FBLN5: variants seen among roughly 807,000 people sequenced by gnomAD.
FBLN5 encodes the protein fibulin-5.
In FBLN5, 24 loss-of-function variants were observed where a neutral mutation model predicts 61.6. The observed-to-expected ratio is 0.39, with a 90% CI of 0.28 to 0.55. FBLN5 has a LOEUF of 0.55. Ranked by LOEUF, FBLN5 falls within the 20% of genes least tolerant of loss-of-function variation. FBLN5 has a pLI of 0.65. For missense variants in FBLN5, 470 were observed against 594.1 expected (o/e 0.79, Z 2.17); for synonymous variants, 213 against 219.8 (o/e 0.97, Z 0.27).
intron 4 of FBLN5, among the ~76,000 whole-genome samples, chr14:91,906,130 G>C (rs968989925): frequency 2.0e-5 from 3 of 151,988 alleles, no homozygotes; most frequent in African/African-American, 7.3e-5. Flanking sequence ...CAGGTGATCT[G>C]CCTGCCTCAG....
chr14:91,885,287 A>G (rs961462802), intron 7 of FBLN5, among the ~76,000 whole-genome samples: 5 of 152,246 alleles, frequency 3.3e-5, no homozygotes, highest in African/African-American at 9.6e-5. Context: ...GAGTCAACTG[A>G]AAATCTTGGC....
chr14:91,885,498 C>G (rs937203568), intron 7 of FBLN5, among the ~76,000 whole-genome samples: 1 of 152,166 alleles, frequency 6.6e-6, no homozygotes, highest in Non-Finnish European at 1.5e-5. Flanking sequence ...CTCCCTGGGA[C>G]ATGGGAAGCA....
At position 91,883,068 on chromosome 14, in the gene FBLN5, C is replaced by T; in HGVS notation, c.748G>A (p.Glu250Lys). ...EDGVHCSDMD[E>K]CSFSEFLCQH... ...CAGAGGAACTCAGAGAAGCTGCACT[C>T]GTCCATATCTGGGGTGACAAGTCAC... Residue 250 changes from glutamate to lysine, a missense_variant, in exon 8 of 11, where the codon GAG becomes AAG. Glu to Lys is a moderately conservative substitution (Grantham distance 56). Coordinates refer to ENST00000342058, the MANE Select transcript of FBLN5 (RefSeq NM_006329.4). 1.2e-6 allele frequency: 2 copies of T among 1,613,890 alleles called. No homozygotes were observed. The highest frequency in any genetic ancestry group is 1.7e-6 in the Non-Finnish European group (2 of 1,179,854).
chr14:91,925,181 C>T (rs901230406), intron 4 of FBLN5, among the ~76,000 whole-genome samples: 1 of 152,214 alleles, frequency 6.6e-6, no homozygotes, highest in African/African-American at 2.4e-5. Context: ...GAAAGTCAGA[C>T]AGCATTGACA....
chr14:91,924,914 ACC>A (rs2055802481), intron 4 of FBLN5, among the ~76,000 whole-genome samples: 1 of 151,918 alleles, frequency 6.6e-6, no homozygotes, highest in African/African-American at 2.4e-5. Flanking sequence ...AAAACAGATG[ACC>A]CATCTTTTTC....
chr14:91,938,688 G>A (rs771177107), intron 3 of FBLN5, among the ~76,000 whole-genome samples: 28 of 152,230 alleles, frequency 1.8e-4, no homozygotes, highest in Middle Eastern at 3.4e-3. Flanking sequence ...TGGCTCCAGC[G>A]AGCAGTAGAC....
At position 91,881,186 on chromosome 14, in the gene FBLN5, G is replaced by A. The variant is rs1889441062; in HGVS notation, c.989+106C>T. ...GCACATGACGTAGGTAGTAGGCCAG[G>A]TCCCCTCACTTCCTGGCTGGTGCAC... is the stretch of plus-strand genomic sequence containing the variant. On this transcript the variant is annotated intron_variant, in intron 9 of 10. Transcript: ENST00000342058. 25 of 1,273,360 alleles carry A rather than the reference G, an allele frequency of 2.0e-5. No homozygotes were observed. The South Asian group carries it at 2.7e-4, about 14-fold the overall frequency. The allele number at this position is 1,273,360 out of a possible 1,614,324, so 78.9% of individuals were successfully genotyped here.
chr14:91,885,195 A>C (rs1049402287), intron 7 of FBLN5, among the ~76,000 whole-genome samples: 1 of 152,202 alleles, frequency 6.6e-6, no homozygotes, highest in South Asian at 2.1e-4. Flanking sequence ...GAAAGCCTAC[A>C]TATCCCGGGG....
chr14:91,924,462 C>T (rs369418337), intron 4 of FBLN5, among the ~76,000 whole-genome samples: 4 of 152,126 alleles, frequency 2.6e-5, no homozygotes, highest in South Asian at 2.1e-4. Context: ...CAGAGGTGGG[C>T]GGATTGCCTG....
At chr14:91,878,160 T>G (rs1889259884) in intron 9 of FBLN5, 1 of 322,404 alleles carries the variant, frequency 3.1e-6, no homozygotes, top group East Asian at 8.3e-5. Context: ...CATGGAATGT[T>G]ACTGAATCGA....
rs1264298375 is a variant in FBLN5 at position 91,882,608 on chromosome 14, A to G, written c.862+346T>C. Among the ~76,000 whole-genome samples the G allele has an allele frequency of 6.6e-6, 1 of 152,236 alleles. No homozygotes were observed. The highest frequency in any genetic ancestry group is 1.5e-5 in the Non-Finnish European group (1 of 68,046). On this transcript the variant is annotated intron_variant, in intron 8 of 10. Coordinates refer to ENST00000342058, the MANE Select transcript of FBLN5 (RefSeq NM_006329.4). This position sits in a 1 kb window ranked among gnomAD's most constrained non-coding sequence, Gnocchi z 4.9. Reference sequence around the variant, plus strand: ...AAGCCCGGGCTCTGGCCAGGCCATAAAAGTCCTGCTTAGCTCTGGAGCAGT... The same window carrying G: ...AAGCCCGGGCTCTGGCCAGGCCATAGAAGTCCTGCTTAGCTCTGGAGCAGT...
Position 91,941,309 on chromosome 14 carries a change from C to T in FBLN5, c.73-693G>A, listed in dbSNP as rs80272101. On this transcript the variant is annotated intron_variant, in intron 2 of 10. Transcript: ENST00000342058. ...CATTTCAACCTCAGCAAGATGACGA[C>T]ATAAAGATGCTTCCAGAAAGAGATA... 4.7e-4 allele frequency among the ~76,000 whole-genome samples: 71 copies of T among 152,188 alleles called. No individual in the cohort carries two copies. In the East Asian group the frequency reaches 0.014, roughly 29 times the overall value.
chr14:91,926,455 C>A (rs971905883), intron 4 of FBLN5, among the ~76,000 whole-genome samples: 7 of 152,126 alleles, frequency 4.6e-5, no homozygotes, highest in African/African-American at 1.4e-4. Context: ...GATAGGAGAA[C>A]GAAGGTACCC....
At chr14:91,894,826 T>TCCCCCC in intron 5 of FBLN5, 124 bp downstream of exon 5, 13 of 159,362 alleles carry the variant, frequency 8.2e-5, no homozygotes, top group East Asian at 1.6e-4. Flanking sequence ...CTTCCACCCC[T>TCCCCCC]CCCGCCCTCC....
intron 4 of FBLN5, 47 bp downstream of exon 4, chr14:91,936,900 T>A (rs747770735): frequency 6.2e-7 from 1 of 1,613,166 alleles, no homozygotes; most frequent in Non-Finnish European, 8.5e-7. Flanking sequence ...ACAGACGATG[T>A]CTTCACCAAA....
At position 91,876,513 on chromosome 14, in the gene FBLN5, T is replaced by C. The variant is rs933407833; in HGVS notation, c.1185+974A>G. Among the ~76,000 whole-genome samples, 21 of 152,020 alleles carry C rather than the reference T, an allele frequency of 1.4e-4. No homozygotes were observed. The East Asian group carries it at 2.3e-3, about 17-fold the overall frequency. The stretch of plus-strand genomic sequence containing the variant: ...ATTAAGAATCTGGACAGAGAGATTA[T>C]CTGGATTGTTTGAATGGGCCCTAAA... On this transcript the variant is annotated intron_variant, in intron 10 of 10. Coordinates refer to ENST00000342058, the MANE Select transcript of FBLN5 (RefSeq NM_006329.4).
intron 4 of FBLN5, among the ~76,000 whole-genome samples, chr14:91,935,977 G>A (rs879574046): frequency 3.3e-5 from 5 of 152,094 alleles, no homozygotes; most frequent in Admixed American, 6.6e-5. Context: ...TCATAGCTCT[G>A]AAGACACTTG....
At chr14:91,878,192 C>T (rs765124457) in intron 9 of FBLN5, 65 of 291,288 alleles carry the variant, frequency 2.2e-4, no homozygotes, top group Admixed American at 4.9e-4. Flanking sequence ...TCTTGTCATT[C>T]GATAATTGAT....
intron 4 of FBLN5, among the ~76,000 whole-genome samples, chr14:91,932,255 G>T (rs2055937051): frequency 6.6e-6 from 1 of 152,182 alleles, no homozygotes; most frequent in Non-Finnish European, 1.5e-5. Context: ...ATAATTCCTA[G>T]GTCACTGTTC....
Sources: gnomAD v4.1 joint callset for allele counts (sites outside exome capture counted in the v4.1 genomes callset) on GRCh38, gnomAD v4.1.1 for gene constraint, Gnocchi (gnomAD v3.1) non-coding constraint, MANE v1.5 for transcripts, NCBI Gene and HGNC (gene_info 2026-07-23, HGNC 2026-07-21) for gene names.